Variants in FUS observed in about 807,000 individuals in gnomAD.
The protein encoded by FUS is FUS RNA binding protein.
Under a neutral mutation model 82.7 loss-of-function variants are expected in FUS, and 5 were observed. That is an observed-to-expected ratio of 0.06 (90% CI 0.03 to 0.13). FUS has a LOEUF of 0.13. Among genes scored for constraint, FUS ranks in the 10% least tolerant of loss-of-function variants. The pLI is 1.00. For synonymous variants in FUS, 281 were observed against 247.4 expected, an observed-to-expected ratio of 1.14 and a Z score of -1.27; for missense variants, 512 against 707.8, an observed-to-expected ratio of 0.72 and a Z score of 3.14.
downstream of FUS, chr16:31,193,204 T>C (rs772637754): frequency 2.0e-6 from 1 of 492,734 alleles, no homozygotes; most frequent in South Asian, 1.5e-5. Flanking sequence ...AGCCTCCCAA[T>C]AAACCATGAC....
intron 6 of FUS, chr16:31,185,629 A>C: frequency 2.0e-6 from 1 of 489,016 alleles, no homozygotes; most frequent in South Asian, 1.6e-5. Flanking sequence ...GGAATTGGCT[A>C]CTCTTCCCGT....
downstream of FUS, chr16:31,194,421 T>C (rs1353686326): frequency 2.0e-6 from 1 of 509,690 alleles, no homozygotes; most frequent in Admixed American, 2.3e-5. Flanking sequence ...CTGGAGTAGC[T>C]GGGACGGGAC....
chr16:31,189,039 T>G (rs1222669169), intron 8 of FUS, 84 bp from the exon 9 acceptor site: 2 of 995,054 alleles, frequency 2.0e-6, no homozygotes, highest in African/African-American at 3.2e-5. Flanking sequence ...ACCAGTTGCT[T>G]GATGGATACT....
Position 31,191,033 on chromosome 16 carries a change from CGGGGACCGTGGA to C in FUS, c.1467_1478del (p.Asp490_Gly493del), listed in dbSNP as rs1567478484. The C allele has an allele frequency of 1.2e-6, 2 of 1,611,662 alleles. No individual in the cohort carries two copies. The highest frequency in any genetic ancestry group is 2.7e-5 in the African/African-American group (2 of 74,530). ...ATCGAGGCGGCTACCGGGGCCGCGG[CGGGGACCGTGGA>C]GGCTTCCGAGGGGGCCGGGGTGGTG... is the stretch of plus-strand genomic sequence containing the variant. On this transcript the variant is annotated inframe_deletion, in exon 14 of 15. Transcript: ENST00000254108.
chr16:31,193,089 G>A (rs776732687), downstream of FUS: 27 of 483,950 alleles, frequency 5.6e-5, no homozygotes, highest in East Asian at 3.4e-4. Flanking sequence ...ACAGGCATGC[G>A]CCACCATGCC....
At chr16:31,184,816 A>T in intron 5 of FUS, 123 bp from the exon 6 acceptor site, 1 of 969,298 alleles carries the variant, frequency 1.0e-6, no homozygotes, top group Non-Finnish European at 1.6e-6. Flanking sequence ...CTTGTTTCCT[A>T]GCTGTCTTTT....
Position 31,191,356 on chromosome 16 carries a change from C to T in FUS, c.1542-43C>T. 3 of 1,609,406 alleles carry T rather than the reference C, an allele frequency of 1.9e-6. No homozygotes were observed. In the South Asian group the frequency reaches 3.3e-5, roughly 18 times the overall value. ...TATCTAGGCTTGGAGAGGCTGGTAA[C>T]TCAAATATAATGGATACTTAATTTT... On this transcript the variant is annotated intron_variant, in intron 14 of 14. Transcript: ENST00000254108.
At position 31,188,251 on chromosome 16, in the gene FUS, T is replaced by C. The variant is rs886279745; in HGVS notation, c.800-74T>C. The C allele has an allele frequency of 2.6e-6, 4 of 1,524,338 alleles. No individual in the cohort carries two copies. The African/African-American group carries it at 5.5e-5, about 21-fold the overall frequency. 94.4% of individuals were successfully genotyped at this position (1,524,338 alleles called of 1,614,324 possible). A position where few individuals can be genotyped will look rare whatever the true frequency, so the allele number is the denominator to read the frequency against. The stretch of plus-strand genomic sequence containing the variant: ...TGTTAATTTTTTTCCTTGTCCGTTT[T>C]TTCCTGTTGACTAACGGCTCATCTT... On this transcript the variant is annotated intron_variant, in intron 7 of 14. Coordinates refer to ENST00000254108, the MANE Select transcript of FUS (RefSeq NM_004960.4).
In FUS at chr16:31,180,147, C is replaced by A. The variant is rs759359170; in HGVS notation, c.-68C>A. 16 of 1,587,134 alleles carry A rather than the reference C, an allele frequency of 1.0e-5. No homozygotes were observed. The highest frequency in any genetic ancestry group is 1.3e-5 in the Non-Finnish European group (15 of 1,166,218). ...ACGCAGGAGGCGGGGCTGCTCAGTCCTCCAGGCGTCGGTACTCAGCGGTGT... is the reference window on the plus strand; with the variant it reads ...ACGCAGGAGGCGGGGCTGCTCAGTCATCCAGGCGTCGGTACTCAGCGGTGT... On this transcript the variant is annotated 5_prime_UTR_variant, in exon 1 of 15. Coordinates refer to ENST00000254108, the MANE Select transcript of FUS (RefSeq NM_004960.4).
chr16:31,183,600 G>A (rs1263070204), intron 3 of FUS: 3 of 504,456 alleles, frequency 5.9e-6, no homozygotes, highest in African/African-American at 1.9e-5. Flanking sequence ...CTTGGGCCTG[G>A]GTTTAGAGGG....
chr16:31,181,696 A>G (rs2079181946), intron 1 of FUS, among the ~76,000 whole-genome samples: 1 of 152,188 alleles, frequency 6.6e-6, no homozygotes. Context: ...CCACTTTGGT[A>G]GTTCTGCGAC....
intron 7 of FUS, 68 bp from the exon 8 acceptor site, chr16:31,188,257 G>T: frequency 6.5e-7 from 1 of 1,545,758 alleles, no homozygotes; most frequent in East Asian, 2.2e-5. Flanking sequence ...GTTTTTTCCT[G>T]TTGACTAACG....
At position 31,191,066 on chromosome 16, in the gene FUS, T is replaced by C. The variant is rs2079349854; in HGVS notation, c.1497T>C (p.Gly499=). 6.2e-7 allele frequency: 1 copy of C among 1,611,602 alleles called. No individual in the cohort carries two copies. The highest frequency in any genetic ancestry group is 8.5e-7 in the Non-Finnish European group (1 of 1,179,638). ...GDRGGFRGGR[G]GGDRGGFGPG... ...GTGGAGGCTTCCGAGGGGGCCGGGG[T>C]GGTGGGGACAGAGGTGGCTTTGGCC... Residue 499 remains glycine (G), a synonymous_variant, in exon 14 of 15, where the codon GGT becomes GGC. Transcript: ENST00000254108.
intron 10 of FUS, 42 bp from the exon 11 acceptor site, chr16:31,189,998 G>A (rs773049680): frequency 6.3e-7 from 1 of 1,578,276 alleles, no homozygotes. Flanking sequence ...GGATTAATGT[G>A]TCTTGCATTT....
rs1172303888 is a variant in FUS at position 31,184,923 on chromosome 16, C to A, written c.524-16C>A. On this transcript the variant is annotated splice_polypyrimidine_tract_variant and intron_variant, in intron 5 of 14. Transcript: ENST00000254108. The stretch of plus-strand genomic sequence containing the variant: ...TTTTTGTTTTTTTTTTTTAATCATT[C>A]TTTCTTTTCTCACAGGTAACTATGG... The A allele has an allele frequency of 6.3e-7, 1 of 1,586,472 alleles. No individual in the cohort carries two copies. The highest frequency in any genetic ancestry group is 8.6e-7 in the Non-Finnish European group (1 of 1,162,786).
At chr16:31,194,461 T>TG (rs1380646663), downstream of FUS, 1 of 488,490 alleles carries the variant, frequency 2.0e-6, no homozygotes, top group South Asian at 1.6e-5. Context: ...GACTGGCTAA[T>TG]TTTTTTTTGT....
At chr16:31,185,289 G>C in intron 6 of FUS, 110 bp downstream of exon 6, 1 of 1,302,852 alleles carries the variant, frequency 7.7e-7, no homozygotes, top group Non-Finnish European at 1.0e-6. Flanking sequence ...GTTGTCTAGG[G>C]ATCTGTGAGG....
chr16:31,187,812 T>C (rs2079292354), intron 7 of FUS: 1 of 240,820 alleles, frequency 4.2e-6, no homozygotes, highest in Admixed American at 5.2e-5. Flanking sequence ...TTTATTTTCA[T>C]GTGGTTTCGG....
In FUS at chr16:31,184,409, C is replaced by A; in HGVS notation, c.523+13C>A. ...GGTGGAGGTGGAGGTGAGATGTCTT[C>A]AGCTTTGTCTGCAGCCCATTTTCTT... On this transcript the variant is annotated intron_variant, in intron 5 of 14. Coordinates refer to ENST00000254108, the MANE Select transcript of FUS (RefSeq NM_004960.4). 2.6e-6 allele frequency: 4 copies of A among 1,551,334 alleles called. No individual in the cohort carries two copies. The highest frequency in any genetic ancestry group is 3.6e-6 in the Non-Finnish European group (4 of 1,124,018).
Sources: allele counts gnomAD v4.1 joint callset (sites outside exome capture counted in the v4.1 genomes callset), GRCh38; gene constraint gnomAD v4.1.1; transcripts MANE v1.5; gene names NCBI Gene and HGNC (gene_info 2026-07-23, HGNC 2026-07-21).